CLTCL1: variants seen among roughly 807,000 people sequenced by gnomAD.
CLTCL1 encodes clathrin heavy chain 2.
CLTCL1 carries 159 observed loss-of-function variants against 190.0 expected under a neutral mutation model. The ratio of observed to expected loss-of-function variants is 0.84; its 90% CI spans 0.74 to 0.95. CLTCL1 has a LOEUF of 0.95. Ranked by LOEUF, CLTCL1 falls within the 40% of genes least tolerant of loss-of-function variation. CLTCL1 has a pLI of 0.00. For synonymous variants in CLTCL1, 752 were observed against 769.6 expected (o/e 0.98, Z 0.38); for missense variants, 1,878 against 2,033.4 (o/e 0.92, Z 1.47).
Position 19,226,395 on chromosome 22 carries a change from G to T in CLTCL1, c.1783-12C>A. 6.2e-7 allele frequency: 1 copy of T among 1,613,816 alleles called. No homozygotes were observed. The highest frequency in any genetic ancestry group is 8.5e-7 in the Non-Finnish European group (1 of 1,179,756). ...ATGGCATCTGCAACCTATGAAACAG[G>T]GAGTTCGGTGAGAAGCCCTGATCAA... On this transcript the variant is annotated splice_polypyrimidine_tract_variant and intron_variant, in intron 11 of 32. Transcript: ENST00000427926.
chr22:19,289,230 G>C (rs887136754), intron 1 of CLTCL1, among the ~76,000 whole-genome samples: 1 of 152,234 alleles, frequency 6.6e-6, no homozygotes, highest in Admixed American at 6.5e-5. Flanking sequence ...TGATCCACCC[G>C]CCTCGGCCTC....
At chr22:19,182,233 C>A (rs1555926080) in intron 30 of CLTCL1, 1 of 152,354 alleles carries the variant, frequency 6.6e-6, no homozygotes, top group African/African-American at 2.4e-5. Context: ...CAGGCACGCA[C>A]CAGACACCGC....
At chr22:19,182,658 C>T (rs931137397) in intron 30 of CLTCL1, 1 of 152,260 alleles carries the variant, frequency 6.6e-6, no homozygotes, top group Non-Finnish European at 1.5e-5. Flanking sequence ...CCTCGCTCCA[C>T]TGAGTGATGC....
chr22:19,191,277 T>G, intron 27 of CLTCL1, 27 bp downstream of exon 27: 1 of 1,613,894 alleles, frequency 6.2e-7, no homozygotes, highest in Non-Finnish European at 8.5e-7. Flanking sequence ...CAATACACTC[T>G]TCTACCTGGG....
At chr22:19,280,192 C>T (rs1555985758) in intron 1 of CLTCL1, among the ~76,000 whole-genome samples, 1 of 152,162 alleles carries the variant, frequency 6.6e-6, no homozygotes, top group East Asian at 1.9e-4. Context: ...AAGATCAAAG[C>T]TTGCTTCAAA....
intron 10 of CLTCL1, among the ~76,000 whole-genome samples, chr22:19,230,790 G>A (rs564367876): frequency 6.6e-6 from 1 of 152,242 alleles, no homozygotes; most frequent in African/African-American, 2.4e-5. Context: ...AACACATAGA[G>A]AACAGGTAAA....
rs893594861 is a variant in CLTCL1, at chr22:19,180,177, A to G, written c.*20+22T>C. 3.7e-6 allele frequency: 6 copies of G among 1,609,410 alleles called. No homozygotes were observed. In the South Asian group the frequency reaches 4.4e-5, roughly 12 times the overall value. On this transcript the variant is annotated intron_variant, in intron 32 of 32. Coordinates refer to ENST00000427926, the MANE Select transcript of CLTCL1 (RefSeq NM_007098.4). ...ACCTGGCCTGGCTAGAGGATAAGCT[A>G]GTCTCCAAATGGGACACTTACTTAG...
At chr22:19,272,921 G>C (rs925145103) in intron 2 of CLTCL1, among the ~76,000 whole-genome samples, 4 of 152,192 alleles carry the variant, frequency 2.6e-5, no homozygotes, top group African/African-American at 9.7e-5. Context: ...TGGGATTACA[G>C]ACATGAGCCA....
At position 19,232,454 on chromosome 22, in the gene CLTCL1, G is replaced by A. The variant is rs535029291; in HGVS notation, c.1644+22C>T. 151 of 1,613,654 alleles carry A rather than the reference G, an allele frequency of 9.4e-5. 2 individuals carry two copies. The South Asian group carries it at 1.5e-3, about 17-fold the overall frequency. ...TGGCTCTAAAAAGCCACAAAAAGTT[G>A]TCCAAAACTGCCTACGCTCACCTGG... On this transcript the variant is annotated intron_variant, in intron 10 of 32. Coordinates refer to ENST00000427926, the MANE Select transcript of CLTCL1 (RefSeq NM_007098.4).
intron 27 of CLTCL1, among the ~76,000 whole-genome samples, chr22:19,189,657 C>T (rs2084426589): frequency 1.3e-5 from 2 of 152,226 alleles, no homozygotes; most frequent in African/African-American, 4.8e-5. Flanking sequence ...ACTTTCTCCA[C>T]TGAAGTCCTG....
chr22:19,278,261 T>A (rs2087585925), intron 1 of CLTCL1, among the ~76,000 whole-genome samples: 1 of 152,094 alleles, frequency 6.6e-6, no homozygotes, highest in African/African-American at 2.4e-5. Context: ...TTTTCTTAGG[T>A]ATTATATTGC....
rs117703854 is a variant in CLTCL1, at chr22:19,196,422, A to G, written c.4042-7T>C. The G allele has an allele frequency of 4.3e-6, 7 of 1,613,940 alleles. No homozygotes were observed. The East Asian group carries it at 1.6e-4, about 36-fold the overall frequency. ...GCTCTGCAGCCCTCAGCACCTGGAC[A>G]AGGAGGTCAGGGTCGGCTTGTGCTG... On this transcript the variant is annotated splice_region_variant and splice_polypyrimidine_tract_variant and intron_variant, in intron 25 of 32. Coordinates refer to ENST00000427926, the MANE Select transcript of CLTCL1 (RefSeq NM_007098.4).
chr22:19,250,774 G>A (rs931551155), intron 3 of CLTCL1, among the ~76,000 whole-genome samples: 8 of 151,934 alleles, frequency 5.3e-5, no homozygotes, highest in Admixed American at 4.6e-4. Context: ...GGCTGGTCTC[G>A]AACTCCTGGG....
chr22:19,268,151 T>G (rs1255976476), intron 2 of CLTCL1, among the ~76,000 whole-genome samples: 4 of 152,134 alleles, frequency 2.6e-5, no homozygotes, highest in African/African-American at 7.2e-5. Flanking sequence ...CAAAAGAGCT[T>G]GATGGAGGGA....
intron 1 of CLTCL1, among the ~76,000 whole-genome samples, chr22:19,281,278 G>C (rs1237720676): frequency 6.5e-5 from 9 of 138,428 alleles, no homozygotes; most frequent in East Asian, 2.1e-4. Flanking sequence ...CTGGGCGACA[G>C]AGCGAGACCC....
intron 10 of CLTCL1, among the ~76,000 whole-genome samples, chr22:19,231,149 A>G (rs1286576774): frequency 6.6e-6 from 1 of 152,152 alleles, no homozygotes; most frequent in Non-Finnish European, 1.5e-5. Context: ...ACCAGAATCC[A>G]AGGTCTCCTC....
chr22:19,225,739 C>G (rs1229325841), intron 12 of CLTCL1, 106 bp from the exon 13 acceptor site: 17 of 1,070,298 alleles, frequency 1.6e-5, no homozygotes, highest in African/African-American at 4.8e-5. Flanking sequence ...GTCAAAAATA[C>G]AGAGAATTTC....
At chr22:19,214,837 T>C (rs2085336235) in intron 19 of CLTCL1, among the ~76,000 whole-genome samples, 1 of 152,116 alleles carries the variant, frequency 6.6e-6, no homozygotes, top group African/African-American at 2.4e-5. Flanking sequence ...CCTGCCATCA[T>C]GCCTGGCTGA....
chr22:19,225,783 C>G (rs782710180), intron 12 of CLTCL1, 150 bp from the exon 13 acceptor site: 2 of 723,096 alleles, frequency 2.8e-6, no homozygotes, highest in Admixed American at 3.0e-5. Context: ...CTATCCATCA[C>G]GGGAAAAAGT....
Sources: gnomAD v4.1 joint callset for allele counts (sites outside exome capture counted in the v4.1 genomes callset) on GRCh38, gnomAD v4.1.1 for gene constraint, MANE v1.5 for transcripts, NCBI Gene and HGNC (gene_info 2026-07-23, HGNC 2026-07-21) for gene names.